Variants in UNC5D observed in about 807,000 individuals in gnomAD.
UNC5D encodes unc-5 netrin receptor D, also known as netrin receptor UNC5D.
UNC5D carries 39 observed loss-of-function variants against 105.4 expected under a neutral mutation model. That is an observed-to-expected ratio of 0.37 (90% CI 0.29 to 0.48). UNC5D has a LOEUF of 0.48. UNC5D is among the 20% of genes least tolerant of loss of function. The pLI, the probability that UNC5D is intolerant of heterozygous loss-of-function variation, is 0.98. For missense variants in UNC5D, 991 were observed against 1,202.4 expected, an observed-to-expected ratio of 0.82 and a Z score of 2.60; for synonymous variants, 452 against 450.4, an observed-to-expected ratio of 1.00 and a Z score of -0.04.
chr8:35,397,918 T>C (rs1008275414), intron 1 of UNC5D, among the ~76,000 whole-genome samples: 1 of 152,212 alleles, frequency 6.6e-6, no homozygotes, highest in Non-Finnish European at 1.5e-5. Context: ...AGCGTCCAGA[T>C]TATGACATTA....
At chr8:35,673,491 T>C (rs1385093701) in intron 4 of UNC5D, among the ~76,000 whole-genome samples, 2 of 152,188 alleles carry the variant, frequency 1.3e-5, no homozygotes, top group African/African-American at 4.8e-5. Flanking sequence ...AGAAAAAATA[T>C]ATATTTGAGG....
intron 1 of UNC5D, chr8:35,254,998 A>G (rs571330944): frequency 3.9e-5 from 6 of 152,258 alleles, no homozygotes; most frequent in Non-Finnish European, 8.8e-5. Context: ...AGAGAAAAGT[A>G]TTAAAGAGAA....
At chr8:35,499,871 A>T (rs1811857234) in intron 1 of UNC5D, among the ~76,000 whole-genome samples, 1 of 152,206 alleles carries the variant, frequency 6.6e-6, no homozygotes, top group South Asian at 2.1e-4. Context: ...AGACACAAAC[A>T]TTTCATTCTC....
intron 3 of UNC5D, among the ~76,000 whole-genome samples, chr8:35,580,921 G>C (rs1818438143): frequency 6.6e-6 from 1 of 152,178 alleles, no homozygotes; most frequent in Non-Finnish European, 1.5e-5. Flanking sequence ...AAAGTGTAGA[G>C]AGGGAATAGG....
chr8:35,782,502 A>AAT (rs1802548525), intron 16 of UNC5D, among the ~76,000 whole-genome samples: 2 of 138,230 alleles, frequency 1.4e-5, no homozygotes, highest in East Asian at 2.1e-4. Flanking sequence ...CTACTCAAAA[A>AAT]TTTTTTTTTT....
chr8:35,479,704 C>T (rs1236596666), intron 1 of UNC5D, among the ~76,000 whole-genome samples: 1 of 152,022 alleles, frequency 6.6e-6, no homozygotes, highest in African/African-American at 2.4e-5. Context: ...AACAAAATAC[C>T]ATTTTTCCTC....
chr8:35,252,687 ATTTT>A (rs1054314456), intron 1 of UNC5D, among the ~76,000 whole-genome samples: 1 of 152,056 alleles, frequency 6.6e-6, no homozygotes, highest in Non-Finnish European at 1.5e-5. Context: ...TGATTATCAG[ATTTT>A]TTTCTAGCAT....
chr8:35,633,125 TAGCCTGC>T (rs1488656729), intron 4 of UNC5D, among the ~76,000 whole-genome samples: 1 of 152,196 alleles, frequency 6.6e-6, no homozygotes, highest in African/African-American at 2.4e-5. Flanking sequence ...TGACAGTATA[TAGCCTGC>T]AGCCTTGCCA....
chr8:35,467,391 A>G (rs1337283971), intron 1 of UNC5D, among the ~76,000 whole-genome samples: 1 of 152,074 alleles, frequency 6.6e-6, no homozygotes, highest in Non-Finnish European at 1.5e-5. Context: ...TCAAAGTGGG[A>G]GTGGATTGAC....
At chr8:35,412,078 C>T (rs893386039) in intron 1 of UNC5D, among the ~76,000 whole-genome samples, 1 of 151,984 alleles carries the variant, frequency 6.6e-6, no homozygotes, top group Non-Finnish European at 1.5e-5. Flanking sequence ...AAAAATCACT[C>T]TGTTACTTTA....
intron 1 of UNC5D, among the ~76,000 whole-genome samples, chr8:35,249,680 G>T (rs1041230368): frequency 1.3e-5 from 2 of 151,948 alleles, no homozygotes; most frequent in African/African-American, 4.8e-5. Flanking sequence ...TGCATCTCTT[G>T]TGACCATAAT....
chr8:35,641,385 A>AAAAAAAAAAAAAAAAAAAAAT (rs1822722743), intron 4 of UNC5D, among the ~76,000 whole-genome samples: 1 of 147,860 alleles, frequency 6.8e-6, no homozygotes, highest in Non-Finnish European at 1.5e-5. Flanking sequence ...AAAAAAAAAA[A>AAAAAAAAAAAAAAAAAAAAAT]GAAAAAAAAA....
chr8:35,352,719 T>C (rs1563336707), intron 1 of UNC5D, among the ~76,000 whole-genome samples: 1 of 152,132 alleles, frequency 6.6e-6, no homozygotes, highest in Non-Finnish European at 1.5e-5. Context: ...TTCAAGTGAT[T>C]CTTCTGCCTC....
chr8:35,632,105 C>G (rs1161034123), intron 4 of UNC5D, among the ~76,000 whole-genome samples: 1 of 152,186 alleles, frequency 6.6e-6, no homozygotes, highest in East Asian at 1.9e-4. Flanking sequence ...TTCAACAGAG[C>G]AAGCCTTCTT....
intron 4 of UNC5D, among the ~76,000 whole-genome samples, chr8:35,619,035 T>TAA (rs1821193959): frequency 2.0e-5 from 3 of 152,354 alleles, no homozygotes; most frequent in Middle Eastern, 6.8e-3. Flanking sequence ...GATTTCAATT[T>TAA]ATTTAATAAA....
intron 1 of UNC5D, among the ~76,000 whole-genome samples, chr8:35,298,152 C>T (rs1807641287): frequency 6.6e-6 from 1 of 151,568 alleles, no homozygotes; most frequent in African/African-American, 2.4e-5. Flanking sequence ...GAACTCTGTC[C>T]CAATGATCTG....
chr8:35,470,372 T>G (rs1028154105), intron 1 of UNC5D, among the ~76,000 whole-genome samples: 1 of 152,034 alleles, frequency 6.6e-6, no homozygotes, highest in Non-Finnish European at 1.5e-5. Context: ...CATGACACCT[T>G]GTTGACCTAG....
intron 1 of UNC5D, among the ~76,000 whole-genome samples, chr8:35,318,286 T>C (rs1489209418): frequency 6.6e-6 from 1 of 152,102 alleles, no homozygotes. Flanking sequence ...GGTGCTCTGT[T>C]AAACTCCACA....
chr8:35,389,908 C>T (rs150215399), intron 1 of UNC5D, among the ~76,000 whole-genome samples: 4 of 152,164 alleles, frequency 2.6e-5, no homozygotes, highest in Non-Finnish European at 1.5e-5. Context: ...ACCTGTTAAT[C>T]CCACCTGTTA....
Sources: gnomAD v4.1 joint callset for allele counts (sites outside exome capture counted in the v4.1 genomes callset) on GRCh38, gnomAD v4.1.1 for gene constraint, MANE v1.5 for transcripts, NCBI Gene and HGNC (gene_info 2026-07-23, HGNC 2026-07-21) for gene names.